Variants in SLK observed in about 807,000 individuals in gnomAD.
SLK encodes the protein STE20-like serine/threonine-protein kinase.
Under a neutral mutation model 147.7 loss-of-function variants are expected in SLK, and 67 were observed. The observed-to-expected ratio is 0.45, with a 90% CI of 0.37 to 0.56. SLK has a LOEUF of 0.56. SLK is among the 20% of genes least tolerant of loss of function. The probability of loss-of-function intolerance (pLI) is 0.00; values close to 1 mark genes in which losing one functional copy is unlikely to be tolerated. For synonymous variants in SLK, 441 were observed against 475.0 expected, an observed-to-expected ratio of 0.93 and a Z score of 0.93; for missense variants, 1,136 against 1,438.8, an observed-to-expected ratio of 0.79 and a Z score of 3.41.
intron 13 of SLK, among the ~76,000 whole-genome samples, chr10:104,011,496 A>G (rs1452480443): frequency 6.6e-6 from 1 of 152,078 alleles, no homozygotes; most frequent in African/African-American, 2.4e-5. Context: ...TTTTACCTAT[A>G]TAGAGTTTAA....
intron 9 of SLK, among the ~76,000 whole-genome samples, chr10:104,005,107 C>T (rs1312909624): frequency 6.6e-6 from 1 of 151,740 alleles, no homozygotes; most frequent in Admixed American, 6.6e-5. Flanking sequence ...ACCCTCAGAC[C>T]TGTCAATTTA....
chr10:103,971,536 T>G (rs1843793658), intron 1 of SLK, among the ~76,000 whole-genome samples: 1 of 152,258 alleles, frequency 6.6e-6, no homozygotes, highest in South Asian at 2.1e-4. Context: ...CCTCCCAAAG[T>G]GTTGGGATTA....
At chr10:104,008,406 A>C in intron 12 of SLK, 50 bp downstream of exon 12, 1 of 1,346,738 alleles carries the variant, frequency 7.4e-7, no homozygotes, top group South Asian at 1.4e-5. Flanking sequence ...TTTTAAAAAA[A>C]TTGTTTTAAG....
intron 1 of SLK, among the ~76,000 whole-genome samples, chr10:103,980,760 T>G (rs1843930316): frequency 2.0e-5 from 3 of 152,208 alleles, no homozygotes; most frequent in African/African-American, 4.8e-5. Context: ...CTTGCATGTT[T>G]TAGCTGTTGT....
chr10:103,970,605 T>C (rs1005105847), intron 1 of SLK, among the ~76,000 whole-genome samples: 2 of 152,192 alleles, frequency 1.3e-5, no homozygotes, highest in African/African-American at 2.4e-5. Flanking sequence ...TCTTATGGCC[T>C]CTTTTTTCTA....
At chr10:104,008,557 A>G (rs1180519386) in intron 12 of SLK, among the ~76,000 whole-genome samples, 1 of 152,178 alleles carries the variant, frequency 6.6e-6, no homozygotes, top group African/African-American at 2.4e-5. Flanking sequence ...AGAAAACTGG[A>G]GTAAGAGAGG....
In SLK at chr10:104,003,427, C is replaced by T. The variant is rs1294111959; in HGVS notation, c.2249C>T (p.Ser750Leu). 8 of 1,613,818 alleles carry T rather than the reference C, an allele frequency of 5.0e-6. No individual in the cohort carries two copies. Among genetic ancestry groups the T allele is most frequent in the Non-Finnish European group, 6.8e-6 (8 of 1,179,774 alleles). Residue 750 changes from serine to leucine, a missense_variant, in exon 9 of 19, where the codon TCA becomes TTA. Physicochemically the swap from Ser to Leu is moderately radical, Grantham distance 145. This residue lies in a region of SLK where 516 missense variants were observed against 531.3 expected (regional missense o/e 0.97). Transcript: ENST00000369755. ...SENPKENDND[S>L]GTGSTADTSS... ...AATCCAAAGGAAAATGATAATGATTCAGGCACTGGTTCCACTGCTGATACT... is the reference window on the plus strand; with the variant it reads ...AATCCAAAGGAAAATGATAATGATTTAGGCACTGGTTCCACTGCTGATACT...
At chr10:104,000,371 T>A (rs805651) in intron 7 of SLK, among the ~76,000 whole-genome samples, 32,480 of 152,096 alleles carry the variant, frequency 0.21, 3,847 homozygotes, top group African/African-American at 0.32. Context: ...ATATATTAAT[T>A]AAAAATTGTC....
At chr10:104,012,610 G>T (rs1228662716) in intron 13 of SLK, among the ~76,000 whole-genome samples, 1 of 152,190 alleles carries the variant, frequency 6.6e-6, no homozygotes, top group Non-Finnish European at 1.5e-5. Flanking sequence ...CCCTCCCAAG[G>T]TCACACACCT....
At chr10:103,971,068 C>A (rs1172546341) in intron 1 of SLK, among the ~76,000 whole-genome samples, 1 of 152,160 alleles carries the variant, frequency 6.6e-6, no homozygotes, top group Non-Finnish European at 1.5e-5. Context: ...CTGAGTCATT[C>A]TTCCATCGTG....
intron 1 of SLK, among the ~76,000 whole-genome samples, chr10:103,970,472 A>G (rs1843778166): frequency 6.6e-6 from 1 of 152,214 alleles, no homozygotes; most frequent in Admixed American, 6.5e-5. Context: ...GTATTTTAGT[A>G]TGATATTTGA....
At chr10:104,016,748 T>C (rs138052327) in intron 13 of SLK, among the ~76,000 whole-genome samples, 106 of 150,646 alleles carry the variant, frequency 7.0e-4, no homozygotes, top group Middle Eastern at 3.4e-3. Context: ...AAGCCAACCA[T>C]CCTGAGGAGT....
At chr10:103,993,553 T>C (rs1158203812) in intron 4 of SLK, among the ~76,000 whole-genome samples, 3 of 152,154 alleles carry the variant, frequency 2.0e-5, no homozygotes, top group Non-Finnish European at 4.4e-5. Flanking sequence ...TAGTTTTATA[T>C]TCTATTTTAT....
rs1277820279 is a variant in SLK, at chr10:104,000,007, T to TCATATTCA, written c.864+60_864+67dup. On this transcript the variant is annotated intron_variant, in intron 7 of 18. Transcript: ENST00000369755. ...TATTTTAACATCTAAGAATGTAATT[T>TCATATTCA]CATATTCAGTGTGCTTTCTTTCCAC... 8.1e-6 allele frequency: 6 copies of TCATATTCA among 744,624 alleles called. No homozygotes were observed. The East Asian group carries it at 1.7e-4, about 20-fold the overall frequency. The allele number at this position is 744,624 out of a possible 1,614,324, so 46.1% of individuals were successfully genotyped here.
intron 3 of SLK, 32 bp downstream of exon 3, chr10:103,992,678 C>T (rs1407974457): frequency 6.4e-7 from 1 of 1,559,582 alleles, no homozygotes. Flanking sequence ...CTGTTCATAT[C>T]TTAAATTATA....
intron 1 of SLK, among the ~76,000 whole-genome samples, chr10:103,971,111 CTG>C (rs1657046691): frequency 6.6e-6 from 1 of 152,144 alleles, no homozygotes; most frequent in Non-Finnish European, 1.5e-5. Context: ...CAGTCCAGCA[CTG>C]TACACATTTA....
At chr10:103,973,662 G>GT in intron 1 of SLK, among the ~76,000 whole-genome samples, 1 of 152,094 alleles carries the variant, frequency 6.6e-6, no homozygotes, top group East Asian at 1.9e-4. Flanking sequence ...ATGAGTTACA[G>GT]TTTTTTTCCC....
At chr10:103,986,950 A>T (rs1326807314) in intron 1 of SLK, among the ~76,000 whole-genome samples, 2 of 152,194 alleles carry the variant, frequency 1.3e-5, no homozygotes, top group Non-Finnish European at 2.9e-5. Context: ...TGCTGGGATT[A>T]CAGGCATGAG....
intron 17 of SLK, 39 bp downstream of exon 17, chr10:104,020,652 C>T (rs754088366): frequency 2.0e-5 from 31 of 1,586,078 alleles, no homozygotes; most frequent in Admixed American, 3.7e-5. Context: ...CCATAGGATG[C>T]GGCAGCACAA....
Sources: allele counts gnomAD v4.1 joint callset (sites outside exome capture counted in the v4.1 genomes callset), GRCh38; gene constraint gnomAD v4.1.1; regional missense constraint gnomAD v4.1.1; transcripts MANE v1.5; gene names NCBI Gene and HGNC (gene_info 2026-07-23, HGNC 2026-07-21).